KIAA1958: variants seen among roughly 807,000 people sequenced by gnomAD.
KIAA1958 encodes uncharacterized protein KIAA1958.
In KIAA1958, 14 loss-of-function variants were observed where a neutral mutation model predicts 47.2. The observed-to-expected ratio is 0.30, with a 90% CI of 0.20 to 0.46. KIAA1958 has a LOEUF of 0.46. Ranked by LOEUF, KIAA1958 falls within the 20% of genes least tolerant of loss-of-function variation. The pLI is 1.00. For synonymous variants in KIAA1958, 354 were observed against 353.3 expected, an observed-to-expected ratio of 1.00 and a Z score of -0.02; for missense variants, 803 against 909.2, an observed-to-expected ratio of 0.88 and a Z score of 1.50.
chr9:112,592,691 T>C (rs1490410092), intron 2 of KIAA1958, among the ~76,000 whole-genome samples: 1 of 152,198 alleles, frequency 6.6e-6, no homozygotes, highest in Non-Finnish European at 1.5e-5. Flanking sequence ...GTTCAGGATT[T>C]GAAAATAAGT....
At chr9:112,619,895 T>G (rs898044259) in intron 2 of KIAA1958, among the ~76,000 whole-genome samples, 3 of 152,198 alleles carry the variant, frequency 2.0e-5, no homozygotes, top group African/African-American at 7.2e-5. Context: ...TCATATTCCC[T>G]GAATTATTTA....
rs1252530788 is a variant in KIAA1958, at chr9:112,669,108, C to T, written c.*9039C>T. The T allele has an allele frequency of 2.0e-5, 3 of 152,222 alleles. No individual in the cohort carries two copies. The allele number at this position is 152,222 out of a possible 1,614,324, so 9.4% of individuals were successfully genotyped here. A position where few individuals can be genotyped will look rare whatever the true frequency, so the allele number is the denominator to read the frequency against. On this transcript the variant is annotated 3_prime_UTR_variant, in exon 4 of 4. Coordinates refer to ENST00000337530, the MANE Select transcript of KIAA1958 (RefSeq NM_133465.4). ...TTGTACCGTCTCCAGCTTTTTCCTT[C>T]TTCCCCCAGATGGTCGCACCTGTGC...
At chr9:112,537,421 TATAACTA>T (rs1834875296) in intron 1 of KIAA1958, among the ~76,000 whole-genome samples, 2 of 152,330 alleles carry the variant, frequency 1.3e-5, no homozygotes, top group East Asian at 3.9e-4. Flanking sequence ...ATTTCACAAA[TATAACTA>T]ATAAAGCGTT....
At chr9:112,510,451 A>C (rs551786529) in intron 1 of KIAA1958, among the ~76,000 whole-genome samples, 4 of 152,242 alleles carry the variant, frequency 2.6e-5, no homozygotes, top group African/African-American at 9.6e-5. Flanking sequence ...CATGTTTAAA[A>C]TTTCTCTTTA....
rs776931728 is a variant in KIAA1958, at chr9:112,487,043, A to G, written c.-100A>G. The G allele has an allele frequency of 1.9e-5, 4 of 214,868 alleles. No individual in the cohort carries two copies. In the South Asian group the frequency reaches 2.1e-4, roughly 11 times the overall value. 13.3% of individuals were successfully genotyped at this position (214,868 alleles called of 1,614,324 possible). A position where few individuals can be genotyped will look rare whatever the true frequency, so the allele number is the denominator to read the frequency against. ...CGCGCCCCTTCGGCCCGTCCCGTCC[A>G]GCCCGGGCTGCCCGGCTCTCGCAGG... On this transcript the variant is annotated 5_prime_UTR_variant, in exon 1 of 4. Transcript: ENST00000337530.
chr9:112,632,575 A>G (rs1394718331), intron 2 of KIAA1958, among the ~76,000 whole-genome samples: 2 of 152,150 alleles, frequency 1.3e-5, no homozygotes, highest in African/African-American at 4.8e-5. Context: ...AATGAAATAT[A>G]TCTCATTTTA....
chr9:112,496,399 G>A (rs546015277), intron 1 of KIAA1958, among the ~76,000 whole-genome samples: 1 of 152,322 alleles, frequency 6.6e-6, no homozygotes, highest in Admixed American at 6.5e-5. Flanking sequence ...AGCCAGAATA[G>A]GGGCTACCCT....
rs975312370 is a variant in KIAA1958, at chr9:112,664,975, C to T, written c.*4906C>T. 5.3e-5 allele frequency: 8 copies of T among 152,280 alleles called. No homozygotes were observed. The highest frequency in any genetic ancestry group is 1.9e-4 in the African/African-American group (8 of 41,572). 9.4% of individuals were successfully genotyped at this position (152,280 alleles called of 1,614,324 possible). Reference sequence around the variant, plus strand: ...TGTTCATTACAGTCCAGAAAATCTGCAGAAGTTCTCCATGTTCAGTGGTTG... The same window carrying T: ...TGTTCATTACAGTCCAGAAAATCTGTAGAAGTTCTCCATGTTCAGTGGTTG... On this transcript the variant is annotated 3_prime_UTR_variant, in exon 4 of 4. Coordinates refer to ENST00000337530, the MANE Select transcript of KIAA1958 (RefSeq NM_133465.4).
At chr9:112,622,559 A>G (rs946135270) in intron 2 of KIAA1958, among the ~76,000 whole-genome samples, 5 of 152,244 alleles carry the variant, frequency 3.3e-5, no homozygotes, top group African/African-American at 9.6e-5. Context: ...TCCATTTGAT[A>G]TCATGGTTAT....
chr9:112,572,987 C>T (rs569424208), intron 1 of KIAA1958, among the ~76,000 whole-genome samples: 2 of 152,280 alleles, frequency 1.3e-5, no homozygotes, highest in Admixed American at 1.3e-4. Flanking sequence ...CCCACAGCTG[C>T]AGATAGCCAG....
At chr9:112,610,386 A>C (rs1191058963) in intron 2 of KIAA1958, among the ~76,000 whole-genome samples, 2 of 151,712 alleles carry the variant, frequency 1.3e-5, no homozygotes, top group African/African-American at 4.9e-5. Context: ...GAACCAATGA[A>C]AAAATATCCA....
intron 2 of KIAA1958, among the ~76,000 whole-genome samples, chr9:112,641,586 G>A (rs973760571): frequency 4.6e-5 from 7 of 151,442 alleles, no homozygotes; most frequent in African/African-American, 1.7e-4. Context: ...TTTGATTAAT[G>A]GAACTTTTCT....
At chr9:112,607,741 A>G (rs917023543) in intron 2 of KIAA1958, among the ~76,000 whole-genome samples, 2 of 97,792 alleles carry the variant, frequency 2.0e-5, no homozygotes, top group Non-Finnish European at 3.9e-5. Context: ...TCATTTAGAT[A>G]TCCAAGACAA....
intron 1 of KIAA1958, among the ~76,000 whole-genome samples, chr9:112,567,725 G>A (rs909335153): frequency 5.3e-5 from 8 of 151,978 alleles, no homozygotes; most frequent in South Asian, 2.1e-4. Context: ...TTGGGAGGCC[G>A]AGGTGGGTGG....
intron 1 of KIAA1958, among the ~76,000 whole-genome samples, chr9:112,533,575 C>T (rs560472543): frequency 4.0e-5 from 2 of 49,622 alleles, no homozygotes; most frequent in Non-Finnish European, 7.1e-5. Context: ...AGCGAGACTC[C>T]ATCCCAAAAA....
chr9:112,600,220 T>C (rs2131199021), intron 2 of KIAA1958, among the ~76,000 whole-genome samples: 1 of 152,324 alleles, frequency 6.6e-6, no homozygotes, highest in East Asian at 1.9e-4. Context: ...TTCATCTAGT[T>C]ATTTATCCGC....
At chr9:112,499,467 T>C (rs1834097381) in intron 1 of KIAA1958, among the ~76,000 whole-genome samples, 3 of 152,192 alleles carry the variant, frequency 2.0e-5, no homozygotes, top group Admixed American at 2.0e-4. Flanking sequence ...TAATGTAGTC[T>C]TAGAAATATT....
chr9:112,611,152 G>T (rs1434887864), intron 2 of KIAA1958, among the ~76,000 whole-genome samples: 2 of 152,070 alleles, frequency 1.3e-5, no homozygotes, highest in Admixed American at 6.5e-5. Context: ...AACGCTGGGA[G>T]ATTTTCTCAT....
At chr9:112,562,353 T>A (rs1043709228) in intron 1 of KIAA1958, among the ~76,000 whole-genome samples, 1 of 152,178 alleles carries the variant, frequency 6.6e-6, no homozygotes, top group Non-Finnish European at 1.5e-5. Context: ...TTGCCCAAGG[T>A]CACATAGCTA....
Sources: gnomAD v4.1 joint callset for allele counts (sites outside exome capture counted in the v4.1 genomes callset) on GRCh38, gnomAD v4.1.1 for gene constraint, MANE v1.5 for transcripts, NCBI Gene and HGNC (gene_info 2026-07-23, HGNC 2026-07-21) for gene names.